Variants in PDE7B observed in about 807,000 individuals in gnomAD.
PDE7B encodes phosphodiesterase 7B.
PDE7B carries 29 observed loss-of-function variants against 56.2 expected under a neutral mutation model. The ratio of observed to expected loss-of-function variants is 0.52; its 90% CI spans 0.38 to 0.70. The LOEUF is 0.70. Among genes scored for constraint, PDE7B ranks in the 30% least tolerant of loss-of-function variants. The pLI is 0.00. For missense variants in PDE7B, 490 were observed against 565.0 expected (o/e 0.87, Z 1.35); for synonymous variants, 197 against 196.9 (o/e 1.00, Z 0.00).
intron 1 of PDE7B, among the ~76,000 whole-genome samples, chr6:135,857,267 AT>A (rs1025028065): frequency 7.2e-5 from 11 of 151,744 alleles, no homozygotes; most frequent in African/African-American, 2.4e-4. Context: ...TCCTGCTGAT[AT>A]TTTTTTCTTA....
In PDE7B at chr6:135,933,992, T is replaced by C. The variant is rs78617708; in HGVS notation, c.22-13472T>C. On this transcript the variant is annotated intron_variant, in intron 1 of 12. Coordinates refer to ENST00000308191, the MANE Select transcript of PDE7B (RefSeq NM_018945.4). ...GATTGATTTCACAGTCCACAAAAAA[T>C]AAAGAACTATTTCTTTCCTATACCT... Among the ~76,000 whole-genome samples, 19 of 152,268 alleles carry C rather than the reference T, an allele frequency of 1.2e-4. No homozygotes were observed. In the East Asian group the frequency reaches 3.3e-3, roughly 26 times the overall value.
chr6:136,068,930 G>T (rs923359512), intron 2 of PDE7B, among the ~76,000 whole-genome samples: 6 of 152,092 alleles, frequency 3.9e-5, no homozygotes, highest in African/African-American at 9.7e-5. Flanking sequence ...TTTCTTTCAG[G>T]GCCTGCTATC....
intron 2 of PDE7B, among the ~76,000 whole-genome samples, chr6:136,050,024 A>T (rs111543373): frequency 0.028 from 4,250 of 152,200 alleles, 173 homozygotes; most frequent in African/African-American, 0.095. Flanking sequence ...TTGACTGCAC[A>T]AGGGCCAACT....
At chr6:136,142,305 C>T (rs1778339696) in intron 3 of PDE7B, among the ~76,000 whole-genome samples, 1 of 152,180 alleles carries the variant, frequency 6.6e-6, no homozygotes, top group South Asian at 2.1e-4. Flanking sequence ...TTTGATTGCA[C>T]TGTGGTCTGA....
chr6:136,115,427 A>G (rs553109863), intron 3 of PDE7B, among the ~76,000 whole-genome samples: 1 of 152,334 alleles, frequency 6.6e-6, no homozygotes, highest in South Asian at 2.1e-4. Flanking sequence ...TTAAGAAACC[A>G]GGAAAACATT....
intron 1 of PDE7B, among the ~76,000 whole-genome samples, chr6:135,937,894 C>G (rs955245632): frequency 6.6e-6 from 1 of 152,196 alleles, no homozygotes; most frequent in African/African-American, 2.4e-5. Context: ...ATCTTGTACA[C>G]ACTACCACCA....
At chr6:136,137,514 T>A (rs372542557) in intron 3 of PDE7B, among the ~76,000 whole-genome samples, 47 of 152,214 alleles carry the variant, frequency 3.1e-4, no homozygotes, top group South Asian at 1.7e-3. Flanking sequence ...GTTCTCAGTA[T>A]CACCCTAGCT....
chr6:135,981,297 G>A (rs1374430701), intron 2 of PDE7B, among the ~76,000 whole-genome samples: 7 of 107,964 alleles, frequency 6.5e-5, no homozygotes, highest in African/African-American at 2.4e-4. Flanking sequence ...GGTGGGGGGA[G>A]GGGGGAGGGA....
chr6:136,096,353 T>C (rs1218916426), intron 2 of PDE7B: 2 of 152,166 alleles, frequency 1.3e-5, no homozygotes, highest in African/African-American at 4.8e-5. Context: ...TAAAAATGCT[T>C]CTCTCAAATT....
intron 2 of PDE7B, among the ~76,000 whole-genome samples, chr6:136,074,181 C>A (rs1337303062): frequency 1.2e-4 from 18 of 148,466 alleles, no homozygotes; most frequent in Admixed American, 1.1e-3. Flanking sequence ...TGCAGTGAGC[C>A]AAGATCGCAC....
At chr6:135,928,437 A>ATATATATATTTATT (rs1774227498) in intron 1 of PDE7B, among the ~76,000 whole-genome samples, 34 of 112,878 alleles carry the variant, frequency 3.0e-4, no homozygotes, top group African/African-American at 1.0e-3. Flanking sequence ...GATTATATAT[A>ATATATATATTTATT]TATATATATA....
chr6:135,926,156 G>A (rs570036023), intron 1 of PDE7B, among the ~76,000 whole-genome samples: 1 of 144,868 alleles, frequency 6.9e-6, no homozygotes, highest in Admixed American at 7.4e-5. Context: ...GCGCAATCTC[G>A]GCTCACTGCA....
intron 2 of PDE7B, among the ~76,000 whole-genome samples, chr6:136,106,224 T>C (rs979578297): frequency 7.2e-5 from 11 of 152,234 alleles, no homozygotes; most frequent in Non-Finnish European, 1.5e-4. Context: ...TGTATATGTC[T>C]CCCTTCTTAC....
At chr6:136,122,765 G>A (rs1474500477) in intron 3 of PDE7B, among the ~76,000 whole-genome samples, 4 of 152,124 alleles carry the variant, frequency 2.6e-5, no homozygotes, top group Non-Finnish European at 4.4e-5. Flanking sequence ...GACACAAGGG[G>A]CAACAGAAGC....
intron 8 of PDE7B, 23 bp downstream of exon 8, chr6:136,155,781 C>T (rs1778593342): frequency 6.2e-7 from 1 of 1,613,002 alleles, no homozygotes; most frequent in East Asian, 2.2e-5. Flanking sequence ...AACCTGGAGC[C>T]AGCCACAGTA....
chr6:135,966,153 T>C (rs1038224439), intron 2 of PDE7B, among the ~76,000 whole-genome samples: 2 of 152,168 alleles, frequency 1.3e-5, no homozygotes, highest in East Asian at 3.9e-4. Flanking sequence ...CATACCACTT[T>C]AAAGGAGTTA....
intron 2 of PDE7B, among the ~76,000 whole-genome samples, chr6:136,036,436 G>A (rs1474908870): frequency 2.0e-5 from 3 of 152,116 alleles, no homozygotes; most frequent in Non-Finnish European, 4.4e-5. Flanking sequence ...CACCTGTTAG[G>A]AAGGAGAGTA....
intron 9 of PDE7B, among the ~76,000 whole-genome samples, chr6:136,176,766 A>T (rs1391654411): frequency 2.0e-5 from 3 of 152,158 alleles, no homozygotes; most frequent in Non-Finnish European, 4.4e-5. Flanking sequence ...GAATGAGGGG[A>T]ACCATTTTTC....
chr6:136,102,463 G>A (rs776782863), intron 2 of PDE7B, among the ~76,000 whole-genome samples: 159 of 152,294 alleles, frequency 1.0e-3, no homozygotes, highest in Non-Finnish European at 1.7e-3. Flanking sequence ...TATTATCCCA[G>A]AAATACGTGA....
Sources: allele counts gnomAD v4.1 joint callset (sites outside exome capture counted in the v4.1 genomes callset), GRCh38; gene constraint gnomAD v4.1.1; transcripts MANE v1.5; gene names NCBI Gene and HGNC (gene_info 2026-07-23, HGNC 2026-07-21).